Variants in KAZN observed in about 807,000 individuals in gnomAD.
KAZN encodes kazrin.
A neutral mutation model predicts 87.4 loss-of-function variants in KAZN; 40 were observed. That is an observed-to-expected ratio of 0.46 (90% CI 0.36 to 0.60). The LOEUF (loss-of-function observed/expected upper bound fraction) is 0.60, where lower values mean the gene tolerates loss of function less well. KAZN is among the 20% of genes least tolerant of loss of function. The probability of loss-of-function intolerance (pLI) is 0.00; values close to 1 mark genes in which losing one functional copy is unlikely to be tolerated. For missense variants in KAZN, 898 were observed against 1,073.9 expected (o/e 0.84, Z 2.29); for synonymous variants, 466 against 458.3 (o/e 1.02, Z -0.22).
At chr1:14,654,124 C>T (rs1173201971) in intron 1 of KAZN, among the ~76,000 whole-genome samples, 5 of 151,920 alleles carry the variant, frequency 3.3e-5, no homozygotes, top group Non-Finnish European at 7.4e-5. Context: ...CTGTCTCTAC[C>T]AAAAATACAA....
At chr1:14,465,315 C>A (rs182959459) in intron 2 of KAZN, among the ~76,000 whole-genome samples, 1 of 144,052 alleles carries the variant, frequency 6.9e-6, no homozygotes. Flanking sequence ...AGGAGAATGG[C>A]GTGAACCCGG....
intron 2 of KAZN, among the ~76,000 whole-genome samples, chr1:14,494,010 G>A (rs1669813929): frequency 6.6e-6 from 1 of 152,126 alleles, no homozygotes; most frequent in Non-Finnish European, 1.5e-5. Flanking sequence ...CTTGGGCCAT[G>A]TCTTCTGGCT....
intron 2 of KAZN, among the ~76,000 whole-genome samples, chr1:14,562,357 A>G (rs929746935): frequency 8.5e-5 from 13 of 152,224 alleles, no homozygotes; most frequent in Non-Finnish European, 1.6e-4. Flanking sequence ...GATGATTGAC[A>G]CTAGTTCTGA....
intron 1 of KAZN, among the ~76,000 whole-genome samples, chr1:14,751,015 G>A (rs565266054): frequency 3.9e-5 from 6 of 152,284 alleles, no homozygotes; most frequent in African/African-American, 1.4e-4. Context: ...GTTACGTGGC[G>A]ACGTCATTTA....
intron 2 of KAZN, among the ~76,000 whole-genome samples, chr1:14,559,348 C>T (rs1183039820): frequency 6.6e-6 from 1 of 152,138 alleles, no homozygotes; most frequent in Non-Finnish European, 1.5e-5. Context: ...AAAGAAATGC[C>T]TAGTTGGAGA....
intron 1 of KAZN, among the ~76,000 whole-genome samples, chr1:14,823,982 C>G (rs553730193): frequency 6.6e-6 from 1 of 151,994 alleles, no homozygotes; most frequent in South Asian, 2.1e-4. Flanking sequence ...GGCATGCTGG[C>G]GCATGCCTGT....
chr1:14,593,230 G>C lies in KAZN; in HGVS notation c.250-5753G>C, dbSNP rs117608036. ...CCTGGAGAAGACTGAATGAATATGA[G>C]AAGGGTTTTAATGAGAGTAGCGAGA... On this transcript the variant is annotated intron_variant, in intron 2 of 16. Transcript: ENST00000636203. Among the ~76,000 whole-genome samples the C allele has an allele frequency of 7.9e-5, 12 of 152,370 alleles. No homozygotes were observed. The East Asian group carries it at 2.1e-3, about 27-fold the overall frequency.
intron 1 of KAZN, among the ~76,000 whole-genome samples, chr1:14,173,511 T>A (rs367817674): frequency 6.6e-6 from 1 of 151,942 alleles, no homozygotes; most frequent in Non-Finnish European, 1.5e-5. Flanking sequence ...CCAATCCCAA[T>A]TGAAAAAGAG....
intron 2 of KAZN, among the ~76,000 whole-genome samples, chr1:14,568,156 G>T (rs1409180673): frequency 6.6e-6 from 1 of 152,196 alleles, no homozygotes; most frequent in Non-Finnish European, 1.5e-5. Context: ...TGAAGGAAGA[G>T]AATCCGTGCA....
intron 2 of KAZN, among the ~76,000 whole-genome samples, chr1:14,438,395 G>A (rs937064814): frequency 6.6e-6 from 1 of 152,200 alleles, no homozygotes; most frequent in African/African-American, 2.4e-5. Flanking sequence ...ATGTCAGATG[G>A]GGACAAATCT....
At chr1:14,955,794 C>T (rs976047240) in intron 1 of KAZN, among the ~76,000 whole-genome samples, 1 of 152,190 alleles carries the variant, frequency 6.6e-6, no homozygotes, top group Non-Finnish European at 1.5e-5. Flanking sequence ...CAGAGAAGAC[C>T]CTGGCAGATG....
intron 2 of KAZN, among the ~76,000 whole-genome samples, chr1:14,303,148 G>A (rs1366708698): frequency 2.0e-5 from 3 of 152,148 alleles, no homozygotes; most frequent in Admixed American, 6.5e-5. Context: ...GGAAGTAGAC[G>A]TCGGTGTTTC....
At chr1:14,593,596 G>A (rs1375731640) in intron 2 of KAZN, among the ~76,000 whole-genome samples, 2 of 152,212 alleles carry the variant, frequency 1.3e-5, no homozygotes, top group Non-Finnish European at 2.9e-5. Flanking sequence ...ACCCCAGGGA[G>A]CCAAACTCTT....
rs1253719192 is a variant in KAZN at position 15,099,542 on chromosome 1, G to A, written c.1548-2001G>A. Among the ~76,000 whole-genome samples the A allele has an allele frequency of 1.3e-5, 2 of 152,144 alleles. No homozygotes were observed. The highest frequency in any genetic ancestry group is 1.9e-4 in the East Asian group (1 of 5,176). On this transcript the variant is annotated intron_variant, in intron 10 of 14. Coordinates refer to ENST00000376030, the MANE Select transcript of KAZN (RefSeq NM_201628.3). This position sits in a 1 kb window ranked among gnomAD's most constrained non-coding sequence, Gnocchi z 5.4. ...GGGTTGCAAGGGGCTGGCCGGGGAG[G>A]GGAATGGGGGGTGAAGAGCTCAGTG...
chr1:14,697,159 A>AAAAAAG (rs1557897126), intron 1 of KAZN, among the ~76,000 whole-genome samples: 1 of 135,074 alleles, frequency 7.4e-6, no homozygotes, highest in East Asian at 2.1e-4. Context: ...AAAAAAAAAG[A>AAAAAAG]AAAGAAAAGA....
Position 14,184,426 on chromosome 1 carries a change from T to A in KAZN, c.249+3834T>A, listed in dbSNP as rs1249053305. 6.6e-6 allele frequency among the ~76,000 whole-genome samples: 1 copy of A among 152,148 alleles called. No homozygotes were observed. Among genetic ancestry groups the A allele is most frequent in the Non-Finnish European group, 1.5e-5 (1 of 68,024 alleles). Reference sequence around the variant, plus strand: ...TTCCTTCCCTTTCCTGTTCTTTCCTTGTCTGTCTTTCTTTCTGTTATTTGT... The same window carrying A: ...TTCCTTCCCTTTCCTGTTCTTTCCTAGTCTGTCTTTCTTTCTGTTATTTGT... On this transcript the variant is annotated intron_variant, in intron 2 of 16. Transcript: ENST00000636203. This position sits in a 1 kb window ranked among gnomAD's most constrained non-coding sequence, Gnocchi z 4.2.
At chr1:14,210,312 C>T (rs373869503) in intron 2 of KAZN, among the ~76,000 whole-genome samples, 21 of 152,146 alleles carry the variant, frequency 1.4e-4, no homozygotes, top group African/African-American at 3.4e-4. Flanking sequence ...GCTCCTCCTT[C>T]GCCTTCTGCC....
chr1:14,051,318 A>C (rs1271561198), intron 1 of KAZN, among the ~76,000 whole-genome samples: 1 of 152,152 alleles, frequency 6.6e-6, no homozygotes, highest in African/African-American at 2.4e-5. Flanking sequence ...CAGGCCAAGG[A>C]CAGGGCCCTA....
At chr1:14,684,257 G>T (rs186768003) in intron 1 of KAZN, among the ~76,000 whole-genome samples, 1 of 152,170 alleles carries the variant, frequency 6.6e-6, no homozygotes, top group African/African-American at 2.4e-5. Flanking sequence ...TGGAATCAGC[G>T]TTGGGGCTGT....
Sources: allele counts gnomAD v4.1 joint callset (sites outside exome capture counted in the v4.1 genomes callset), GRCh38; gene constraint gnomAD v4.1.1; non-coding constraint Gnocchi (gnomAD v3.1); transcripts MANE v1.5; gene names NCBI Gene and HGNC (gene_info 2026-07-23, HGNC 2026-07-21).